Variants in CNTN6 observed in about 807,000 individuals in gnomAD.
The protein encoded by CNTN6 is contactin-6.
Under a neutral mutation model 122.8 loss-of-function variants are expected in CNTN6, and 137 were observed. The observed-to-expected ratio is 1.12, with a 90% CI of 0.97 to 1.29. The LOEUF (loss-of-function observed/expected upper bound fraction) is 1.29, where lower values mean the gene tolerates loss of function less well. CNTN6 is among the 50% of genes most tolerant of loss of function. The pLI is 0.00. For missense variants in CNTN6, 1,634 were observed against 1,223.4 expected, an observed-to-expected ratio of 1.34 and a Z score of -5.01; for synonymous variants, 570 against 426.0, an observed-to-expected ratio of 1.34 and a Z score of -4.16.
chr3:1,317,394 A>G (rs1458087935), intron 7 of CNTN6, among the ~76,000 whole-genome samples: 3 of 151,798 alleles, frequency 2.0e-5, no homozygotes, highest in African/African-American at 7.3e-5. Context: ...TCTGTTCTGG[A>G]TGAATACAGC....
intron 11 of CNTN6, among the ~76,000 whole-genome samples, chr3:1,343,956 C>A (rs899531764): frequency 6.6e-6 from 1 of 151,970 alleles, no homozygotes; most frequent in African/African-American, 2.4e-5. Flanking sequence ...ATTTGGAGAG[C>A]AAAAACTTAT....
intron 2 of CNTN6, among the ~76,000 whole-genome samples, chr3:1,184,391 C>T (rs746619428): frequency 4.6e-5 from 7 of 152,080 alleles, no homozygotes; most frequent in Non-Finnish European, 8.8e-5. Flanking sequence ...GAAGGTAACG[C>T]TCATATGATA....
At chr3:1,294,714 T>G (rs1157478629) in intron 5 of CNTN6, among the ~76,000 whole-genome samples, 1 of 152,228 alleles carries the variant, frequency 6.6e-6, no homozygotes. Flanking sequence ...GTCACTTGGA[T>G]AGCTCTAGTT....
intron 20 of CNTN6, among the ~76,000 whole-genome samples, chr3:1,387,678 A>G (rs1382069206): frequency 6.6e-6 from 1 of 152,164 alleles, no homozygotes; most frequent in Non-Finnish European, 1.5e-5. Context: ...GGGGTGCCAG[A>G]CAGTGGGCGC....
intron 2 of CNTN6, among the ~76,000 whole-genome samples, chr3:1,159,434 A>G (rs1358718121): frequency 1.3e-5 from 2 of 152,148 alleles, no homozygotes; most frequent in Non-Finnish European, 2.9e-5. Flanking sequence ...CCAGAATGCA[A>G]TTTAAAACTT....
intron 17 of CNTN6, among the ~76,000 whole-genome samples, chr3:1,378,693 T>C (rs1270439467): frequency 6.6e-6 from 1 of 152,160 alleles, no homozygotes; most frequent in Non-Finnish European, 1.5e-5. Context: ...AATAATGCTA[T>C]AAGGTGGTTA....
rs1427514586 is a variant in CNTN6 at position 1,240,750 on chromosome 3, C to T, written c.358+12757C>T. Among the ~76,000 whole-genome samples, 6 of 151,748 alleles carry T rather than the reference C, an allele frequency of 4.0e-5. 1 individual carries two copies. Among genetic ancestry groups the T allele is most frequent in the South Asian group, 4.2e-4 (2 of 4,784 alleles). ...AAAAGAAAAAAATTTCATGTGTGTC[C>T]GTGTGAAGAGACCACCAAACAGACT... On this transcript the variant is annotated intron_variant, in intron 4 of 22. Transcript: ENST00000446702.
chr3:1,217,541 C>T (rs928571068), intron 2 of CNTN6, among the ~76,000 whole-genome samples: 3 of 152,100 alleles, frequency 2.0e-5, no homozygotes, highest in African/African-American at 7.2e-5. Context: ...CCCATCATGC[C>T]GAGAGACATC....
Position 1,386,347 on chromosome 3 carries a change from C to A in CNTN6, c.2704+550C>A, listed in dbSNP as rs529963880. 7.9e-5 allele frequency among the ~76,000 whole-genome samples: 12 copies of A among 152,090 alleles called. No homozygotes were observed. In the South Asian group the frequency reaches 2.1e-3, roughly 26 times the overall value. On this transcript the variant is annotated intron_variant, in intron 20 of 22. Coordinates refer to ENST00000446702, the MANE Select transcript of CNTN6 (RefSeq NM_001289080.2). ...ACCTAGATCTTTCCTTTTAGGATAC[C>A]TTATTACTACAGCTTACTTGGAAGT... is the stretch of plus-strand genomic sequence containing the variant.
intron 4 of CNTN6, among the ~76,000 whole-genome samples, chr3:1,269,791 T>G (rs193184289): frequency 2.6e-5 from 4 of 152,022 alleles, no homozygotes; most frequent in Admixed American, 2.6e-4. Flanking sequence ...TCCTATCTAT[T>G]TTTTCATAAA....
At chr3:1,108,661 C>G (rs535839696) in intron 1 of CNTN6, among the ~76,000 whole-genome samples, 3 of 152,128 alleles carry the variant, frequency 2.0e-5, no homozygotes, top group African/African-American at 7.2e-5. Context: ...ATTTAAGGCT[C>G]TAAGGAGTCT....
At chr3:1,264,736 A>C (rs58694860) in intron 4 of CNTN6, among the ~76,000 whole-genome samples, 4,082 of 152,160 alleles carry the variant, frequency 0.027, 176 homozygotes, top group African/African-American at 0.093. Context: ...CTACTCTTCT[A>C]GAAATTTTGG....
chr3:1,268,366 G>C (rs1042038888), intron 4 of CNTN6, among the ~76,000 whole-genome samples: 8 of 152,124 alleles, frequency 5.3e-5, no homozygotes, highest in Admixed American at 2.6e-4. Flanking sequence ...CCAGCACTTT[G>C]GGAGGCCGAG....
intron 12 of CNTN6, among the ~76,000 whole-genome samples, chr3:1,362,738 A>G (rs370574068): frequency 2.6e-4 from 39 of 151,484 alleles, no homozygotes; most frequent in East Asian, 2.5e-3. Context: ...ATTAGGCATG[A>G]GCAATATTTG....
intron 8 of CNTN6, among the ~76,000 whole-genome samples, chr3:1,322,374 A>C (rs1424619963): frequency 6.6e-6 from 1 of 151,708 alleles, no homozygotes; most frequent in Non-Finnish European, 1.5e-5. Context: ...GAGACGATGA[A>C]TGCATATATT....
chr3:1,210,434 A>AAAAG (rs2094020492), intron 2 of CNTN6, among the ~76,000 whole-genome samples: 2 of 152,146 alleles, frequency 1.3e-5, no homozygotes, highest in African/African-American at 4.8e-5. Context: ...AGAAAAAAAA[A>AAAAG]AGGCTTAACT....
At chr3:1,191,936 G>T (rs1465648080) in intron 2 of CNTN6, among the ~76,000 whole-genome samples, 1 of 152,044 alleles carries the variant, frequency 6.6e-6, no homozygotes, top group African/African-American at 2.4e-5. Flanking sequence ...ATAATTTTTT[G>T]AAAAATCACT....
intron 12 of CNTN6, among the ~76,000 whole-genome samples, chr3:1,370,499 G>T (rs1308142249): frequency 1.3e-5 from 2 of 152,046 alleles, no homozygotes; most frequent in Admixed American, 6.6e-5. Context: ...AATTAAGAAT[G>T]GGCATAGTCC....
chr3:1,351,932 C>G (rs894384541), intron 11 of CNTN6, among the ~76,000 whole-genome samples: 2 of 151,908 alleles, frequency 1.3e-5, no homozygotes, highest in Non-Finnish European at 2.9e-5. Context: ...TGAAAATTAG[C>G]TTGCATTTCT....
Sources: allele counts gnomAD v4.1 joint callset (sites outside exome capture counted in the v4.1 genomes callset), GRCh38; gene constraint gnomAD v4.1.1; transcripts MANE v1.5; gene names NCBI Gene and HGNC (gene_info 2026-07-23, HGNC 2026-07-21).